VPS13B: variants seen among roughly 807,000 people sequenced by gnomAD.
VPS13B encodes intermembrane lipid transfer protein VPS13B.
In VPS13B, 285 loss-of-function variants were observed where a neutral mutation model predicts 426.4. The observed-to-expected ratio is 0.67, with a 90% CI of 0.61 to 0.74. The LOEUF (loss-of-function observed/expected upper bound fraction) is 0.74. Among genes scored for constraint, VPS13B ranks in the 30% least tolerant of loss-of-function variants. VPS13B has a pLI of 0.00. For synonymous variants in VPS13B, 1,676 were observed against 1,676.4 expected, an observed-to-expected ratio of 1.00 and a Z score of 0.01; for missense variants, 4,537 against 4,782.6, an observed-to-expected ratio of 0.95 and a Z score of 1.51.
chr8:99,073,397 T>C (rs1262429808), intron 3 of VPS13B, among the ~76,000 whole-genome samples: 5 of 152,216 alleles, frequency 3.3e-5, no homozygotes, highest in Non-Finnish European at 7.3e-5. Context: ...CCTTTTCTGT[T>C]TCTTTAATGA....
At chr8:99,761,721 A>G (rs1810939344) in intron 39 of VPS13B, among the ~76,000 whole-genome samples, 1 of 152,242 alleles carries the variant, frequency 6.6e-6, no homozygotes, top group African/African-American at 2.4e-5. Context: ...CAAAAACAAT[A>G]GGTATATTAA....
At chr8:99,698,934 T>C (rs1334899206) in intron 35 of VPS13B, among the ~76,000 whole-genome samples, 4 of 152,152 alleles carry the variant, frequency 2.6e-5, no homozygotes, top group Admixed American at 2.0e-4. Context: ...CAATGTTACA[T>C]TGGGCAAGGT....
At chr8:99,219,820 A>C (rs1815603115) in intron 17 of VPS13B, among the ~76,000 whole-genome samples, 1 of 152,202 alleles carries the variant, frequency 6.6e-6, no homozygotes. Flanking sequence ...TGGAGGGGAC[A>C]AACATTCAAA....
chr8:99,849,713 T>G (rs2130904681), intron 55 of VPS13B, among the ~76,000 whole-genome samples: 1 of 152,230 alleles, frequency 6.6e-6, no homozygotes, highest in African/African-American at 2.4e-5. Flanking sequence ...ACACAGTTAA[T>G]TACAATGGCA....
intron 4 of VPS13B, 124 bp from the exon 5 acceptor site, chr8:99,102,829 T>G (rs1846830455): frequency 1.0e-6 from 1 of 1,004,220 alleles, no homozygotes; most frequent in African/African-American, 1.6e-5. Flanking sequence ...AACTTCAGTT[T>G]CTCTTTGGGA....
intron 19 of VPS13B, among the ~76,000 whole-genome samples, chr8:99,281,581 A>G (rs1406979530): frequency 2.0e-5 from 3 of 152,192 alleles, no homozygotes; most frequent in East Asian, 3.8e-4. Context: ...CGTGCACATC[A>G]TCACCTCTGT....
intron 21 of VPS13B, among the ~76,000 whole-genome samples, chr8:99,399,338 T>C (rs1814911750): frequency 6.6e-6 from 1 of 152,198 alleles, no homozygotes; most frequent in Non-Finnish European, 1.5e-5. Flanking sequence ...AATTATTTCA[T>C]AATTTGTTTC....
At chr8:99,065,517 A>T (rs1844437673) in intron 3 of VPS13B, among the ~76,000 whole-genome samples, 1 of 152,214 alleles carries the variant, frequency 6.6e-6, no homozygotes, top group Admixed American at 6.5e-5. Flanking sequence ...GTATCTCAAG[A>T]GCTATTTATG....
intron 23 of VPS13B, among the ~76,000 whole-genome samples, chr8:99,446,576 CTT>C (rs1278838006): frequency 2.6e-5 from 4 of 151,976 alleles, no homozygotes; most frequent in African/African-American, 4.8e-5. Context: ...TTTCTTCACT[CTT>C]TGATATTTTT....
Position 99,121,198 on chromosome 8 carries a change from T to G in VPS13B, c.959T>G (p.Ile320Arg), listed in dbSNP as rs777297717. Reference protein sequence around the residue: ...NITGSEDETRIDMQYPAQHKG... With the variant: ...NITGSEDETRRDMQYPAQHKG... ...ATAGGTTCTGAAGATGAAACAAGAA[T>G]AGATATGCAATATCCTGCTCAGCAT... is the stretch of plus-strand genomic sequence containing the variant. The change falls in exon 8 of 62, where the codon ATA (isoleucine) becomes AGA (arginine). Residue 320 changes from isoleucine to arginine, a missense_variant. By Grantham distance (97) the Ile-to-Arg change is moderately conservative (BLOSUM62 -3). This residue lies in a region of VPS13B where 4,311 missense variants were observed against 4,474.3 expected (regional missense o/e 0.96). Coordinates refer to ENST00000357162, the MANE Select transcript of VPS13B (RefSeq NM_152564.5). The G allele has an allele frequency of 1.2e-6, 2 of 1,613,790 alleles. No individual in the cohort carries two copies. The highest frequency in any genetic ancestry group is 1.7e-5 in the Admixed American group (1 of 59,966).
intron 33 of VPS13B, among the ~76,000 whole-genome samples, chr8:99,625,685 C>G (rs924641868): frequency 7.2e-5 from 11 of 151,798 alleles, no homozygotes; most frequent in African/African-American, 2.7e-4. Flanking sequence ...GAAACCCTGT[C>G]TCTACAAAAA....
intron 54 of VPS13B, among the ~76,000 whole-genome samples, chr8:99,837,381 A>C (rs994094906): frequency 6.6e-6 from 1 of 152,182 alleles, no homozygotes; most frequent in African/African-American, 2.4e-5. Flanking sequence ...CAGTCTCATT[A>C]ATTTACAAAA....
chr8:99,331,643 T>C (rs1230709437), intron 19 of VPS13B, among the ~76,000 whole-genome samples: 1 of 151,826 alleles, frequency 6.6e-6, no homozygotes, highest in Non-Finnish European at 1.5e-5. Context: ...ATATGTAGGT[T>C]GCATTTGTGC....
At chr8:99,036,476 T>C (rs1227327931) in intron 2 of VPS13B, among the ~76,000 whole-genome samples, 1 of 152,192 alleles carries the variant, frequency 6.6e-6, no homozygotes, top group African/African-American at 2.4e-5. Flanking sequence ...ATAACAATCA[T>C]CATTTGTGTT....
intron 15 of VPS13B, among the ~76,000 whole-genome samples, chr8:99,159,235 G>A (rs1439400156): frequency 6.6e-6 from 1 of 152,200 alleles, no homozygotes; most frequent in East Asian, 1.9e-4. Context: ...GAATGGAGGA[G>A]GAGTTGCTTC....
chr8:99,608,376 G>A (rs538129153), intron 33 of VPS13B, among the ~76,000 whole-genome samples: 1 of 151,402 alleles, frequency 6.6e-6, no homozygotes, highest in East Asian at 1.9e-4. Flanking sequence ...TGAACTCCTG[G>A]GCTCAAGTGA....
intron 39 of VPS13B, among the ~76,000 whole-genome samples, chr8:99,738,567 G>A (rs938427935): frequency 1.3e-5 from 2 of 152,156 alleles, no homozygotes; most frequent in Admixed American, 1.3e-4. Context: ...AATGAAAGAT[G>A]GTCTTGAAGA....
intron 3 of VPS13B, among the ~76,000 whole-genome samples, chr8:99,088,082 G>T (rs1248106777): frequency 6.6e-6 from 1 of 151,316 alleles, no homozygotes; most frequent in Non-Finnish European, 1.5e-5. Flanking sequence ...TACTCGGGAG[G>T]TTGAGGCAGG....
intron 19 of VPS13B, among the ~76,000 whole-genome samples, chr8:99,354,230 CGTT>C (rs1343968401): frequency 3.7e-5 from 4 of 107,084 alleles, no homozygotes; most frequent in Middle Eastern, 0.01. Flanking sequence ...TAGGGAAAAT[CGTT>C]GTGAGCATTC....
Sources: allele counts gnomAD v4.1 joint callset (sites outside exome capture counted in the v4.1 genomes callset), GRCh38; gene constraint gnomAD v4.1.1; regional missense constraint gnomAD v4.1.1; transcripts MANE v1.5; gene names NCBI Gene and HGNC (gene_info 2026-07-23, HGNC 2026-07-21).